Variants in FMNL3 observed in about 807,000 individuals in gnomAD.
FMNL3 encodes the protein formin-like protein 3.
FMNL3 carries 57 observed loss-of-function variants against 119.6 expected under a neutral mutation model. That is an observed-to-expected ratio of 0.48 (90% CI 0.39 to 0.59). The LOEUF is 0.59. FMNL3 is among the 20% of genes least tolerant of loss of function. The probability of loss-of-function intolerance (pLI) is 0.00; values close to 1 mark genes in which losing one functional copy is unlikely to be tolerated. For synonymous variants in FMNL3, 491 were observed against 507.3 expected (o/e 0.97, Z 0.43); for missense variants, 1,053 against 1,323.5 (o/e 0.80, Z 3.17).
At position 49,644,630 on chromosome 12, in the gene FMNL3, G is replaced by A. The variant is rs1943084799; in HGVS notation, c.*1185C>T. 5.4e-6 allele frequency: 1 copy of A among 186,122 alleles called. No individual in the cohort carries two copies. The highest frequency in any genetic ancestry group is 1.0e-4 in the South Asian group (1 of 9,572). The allele number at this position is 186,122 out of a possible 1,614,324, so 11.5% of individuals were successfully genotyped here. ...CCAGGACCTAATGTACGTGTGTTTT[G>A]TTTTTTGTTTTTTAAATAACAATAT... On this transcript the variant is annotated 3_prime_UTR_variant, in exon 26 of 26. Transcript: ENST00000335154.
chr12:49,675,686 A>G (rs1401343817), intron 1 of FMNL3, among the ~76,000 whole-genome samples: 1 of 152,164 alleles, frequency 6.6e-6, no homozygotes, highest in Non-Finnish European at 1.5e-5. Flanking sequence ...TGGCATCCCT[A>G]CTTCCAATAC....
intron 2 of FMNL3, among the ~76,000 whole-genome samples, chr12:49,667,722 A>T (rs1943930385): frequency 6.6e-6 from 1 of 152,214 alleles, no homozygotes; most frequent in Non-Finnish European, 1.5e-5. Flanking sequence ...AATGTTACCT[A>T]TTATTATTTC....
chr12:49,675,413 G>T (rs1253643921), intron 1 of FMNL3, among the ~76,000 whole-genome samples: 1 of 152,206 alleles, frequency 6.6e-6, no homozygotes, highest in East Asian at 1.9e-4. Context: ...TTGGGGCAGA[G>T]CCTCGCATTC....
Position 49,636,974 on chromosome 12 carries a change from T to A in FMNL3, c.*8841A>T, listed in dbSNP as rs1390428498. Reference sequence around the variant, plus strand: ...TCTGTGCCTAGCCCTGTCCAAGCTCTATGAGACCTCTCTCTGCCTGCAGTC... The same window carrying A: ...TCTGTGCCTAGCCCTGTCCAAGCTCAATGAGACCTCTCTCTGCCTGCAGTC... On this transcript the variant is annotated 3_prime_UTR_variant, in exon 26 of 26. Transcript: ENST00000335154. 7.2e-7 allele frequency: 1 copy of A among 1,386,874 alleles called. No homozygotes were observed. Among genetic ancestry groups the A allele is most frequent in the Non-Finnish European group, 9.9e-7 (1 of 1,014,774 alleles). The allele number at this position is 1,386,874 out of a possible 1,614,324, so 85.9% of individuals were successfully genotyped here.
rs1381528932 is a variant in FMNL3, at chr12:49,641,538, G to C, written c.*4277C>G. 3 of 258,590 alleles carry C rather than the reference G, an allele frequency of 1.2e-5. No homozygotes were observed. The highest frequency in any genetic ancestry group is 2.2e-5 in the Non-Finnish European group (3 of 133,724). The allele number at this position is 258,590 out of a possible 1,614,324, so 16.0% of individuals were successfully genotyped here. The stretch of plus-strand genomic sequence containing the variant: ...AAGCACTCAATAAATAGACCCAAAG[G>C]GTAGGGGCCAGCAAATGTTGATTGA... On this transcript the variant is annotated 3_prime_UTR_variant, in exon 26 of 26. Transcript: ENST00000335154.
intron 1 of FMNL3, among the ~76,000 whole-genome samples, chr12:49,697,825 A>ACT (rs1944792186): frequency 6.6e-6 from 1 of 152,158 alleles, no homozygotes. Context: ...TTGACTCAGA[A>ACT]AAGTTACAGG....
chr12:49,676,611 C>T (rs1276137483), intron 1 of FMNL3, among the ~76,000 whole-genome samples: 1 of 146,864 alleles, frequency 6.8e-6, no homozygotes, highest in Non-Finnish European at 1.5e-5. Context: ...CCGTCTTATC[C>T]TTCTTTGAAT....
In FMNL3 at chr12:49,670,435, A is replaced by T. The variant is rs563226190; in HGVS notation, c.127-1881T>A. Among the ~76,000 whole-genome samples, 6 of 152,302 alleles carry T rather than the reference A, an allele frequency of 3.9e-5. No individual in the cohort carries two copies. The South Asian group carries it at 1.2e-3, about 32-fold the overall frequency. ...CCAATATGCATCTAGTGGGGGCAGTAAGGTGATAATAAACTTATGTGGAAG... is the reference window on the plus strand; with the variant it reads ...CCAATATGCATCTAGTGGGGGCAGTTAGGTGATAATAAACTTATGTGGAAG... On this transcript the variant is annotated intron_variant, in intron 1 of 25. Transcript: ENST00000335154.
Position 49,651,922 on chromosome 12 carries a change from G to A in FMNL3, c.1603+11C>T, listed in dbSNP as rs544461286. 3.9e-5 allele frequency: 62 copies of A among 1,571,614 alleles called. No homozygotes were observed. The highest frequency in any genetic ancestry group is 4.7e-5 in the South Asian group (4 of 85,068). On this transcript the variant is annotated intron_variant, in intron 14 of 25. Transcript: ENST00000335154. ...CTGCCCCTGTTGGCTCCCAGGGGTCGTCGTGGTTACCTGGTAATGGGGGAG... is the reference window on the plus strand; with the variant it reads ...CTGCCCCTGTTGGCTCCCAGGGGTCATCGTGGTTACCTGGTAATGGGGGAG...
At position 49,656,366 on chromosome 12, in the gene FMNL3, C is replaced by G. The variant is rs767855542; in HGVS notation, c.885+38G>C. Reference sequence around the variant, plus strand: ...ACCTAGCTCCCTGCCTTCTCCCCCGCAAACACACACACACACACGCGAAGC... The same window carrying G: ...ACCTAGCTCCCTGCCTTCTCCCCCGGAAACACACACACACACACGCGAAGC... On this transcript the variant is annotated intron_variant, in intron 9 of 25. Coordinates refer to ENST00000335154, the MANE Select transcript of FMNL3 (RefSeq NM_175736.5). The G allele has an allele frequency of 7.1e-6, 11 of 1,557,682 alleles. No homozygotes were observed. In the Admixed American group the frequency reaches 8.6e-5, roughly 12 times the overall value.
In FMNL3 at chr12:49,651,552, A is replaced by AG. The variant is rs1943402460; in HGVS notation, c.1604-103_1604-102insC. ...CACCTTCTCTGAGAGTTAAAAAAAAAAAAAACTCTCAGAGAAGGAGCCTAC... is the reference window on the plus strand; with the variant it reads ...CACCTTCTCTGAGAGTTAAAAAAAAAGAAAAACTCTCAGAGAAGGAGCCTAC... On this transcript the variant is annotated intron_variant, in intron 14 of 25. Coordinates refer to ENST00000335154, the MANE Select transcript of FMNL3 (RefSeq NM_175736.5). 6.8e-6 allele frequency: 7 copies of AG among 1,034,402 alleles called. 1 individual carries two copies. The Admixed American group carries it at 2.5e-4, about 37-fold the overall frequency. The allele number at this position is 1,034,402 out of a possible 1,614,324, so 64.1% of individuals were successfully genotyped here.
At chr12:49,685,710 T>C (rs1300045467) in intron 1 of FMNL3, among the ~76,000 whole-genome samples, 1 of 152,248 alleles carries the variant, frequency 6.6e-6, no homozygotes, top group Non-Finnish European at 1.5e-5. Flanking sequence ...ATTTCTTAAA[T>C]ATTTTTGTTA....
Position 49,643,158 on chromosome 12 carries a change from C to T in FMNL3, c.*2657G>A, listed in dbSNP as rs1032528815. 10 of 1,598,428 alleles carry T rather than the reference C, an allele frequency of 6.3e-6. No homozygotes were observed. Among genetic ancestry groups the T allele is most frequent in the Admixed American group, 1.7e-5 (1 of 59,150 alleles). On this transcript the variant is annotated 3_prime_UTR_variant, in exon 26 of 26. Coordinates refer to ENST00000335154, the MANE Select transcript of FMNL3 (RefSeq NM_175736.5). ...CTGGGTCCTCCTCCTCTCTCGAATT[C>T]CCAGACGAGGGCTTCTGGAGGGCAG...
At position 49,653,953 on chromosome 12, in the gene FMNL3, C is replaced by T. The variant is rs376725216; in HGVS notation, c.1072-79G>A. On this transcript the variant is annotated intron_variant, in intron 11 of 25. Transcript: ENST00000335154. ...GGAACTTTCTGAGAAAGTCTTAGTCCTCATCCCCCTTCGCCACCACTTCCC... is the reference window on the plus strand; with the variant it reads ...GGAACTTTCTGAGAAAGTCTTAGTCTTCATCCCCCTTCGCCACCACTTCCC... 1.1e-4 allele frequency: 170 copies of T among 1,536,166 alleles called. 1 individual carries two copies. In the East Asian group the frequency reaches 1.5e-3, roughly 13 times the overall value.
chr12:49,642,469 C>A lies in FMNL3; in HGVS notation c.*3346G>T. The A allele has an allele frequency of 6.4e-7, 1 of 1,573,412 alleles. No individual in the cohort carries two copies. The highest frequency in any genetic ancestry group is 2.3e-5 in the East Asian group (1 of 44,440). On this transcript the variant is annotated 3_prime_UTR_variant, in exon 26 of 26. Coordinates refer to ENST00000335154, the MANE Select transcript of FMNL3 (RefSeq NM_175736.5). This position sits in a 1 kb window ranked among gnomAD's most constrained non-coding sequence, Gnocchi z 5.8. ...CCCCAGTCACGTCACAGCCCTGGGC[C>A]AGCTCCAGTTCCCTTCCTTTCTCTG...
In FMNL3 at chr12:49,637,435, C is replaced by T. The variant is rs1941984138; in HGVS notation, c.*8380G>A. On this transcript the variant is annotated 3_prime_UTR_variant, in exon 26 of 26. Transcript: ENST00000335154. ...TCAGTCTGTGGCTCTGCCTCCCTGT[C>T]TCACTCTCCCTATAACTGGCCTCTC... The T allele has an allele frequency of 4.7e-6, 7 of 1,483,886 alleles. No individual in the cohort carries two copies. Among genetic ancestry groups the T allele is most frequent in the Non-Finnish European group, 6.6e-6 (7 of 1,065,570 alleles). 91.9% of individuals were successfully genotyped at this position (1,483,886 alleles called of 1,614,324 possible). A position where few individuals can be genotyped will look rare whatever the true frequency, so the allele number is the denominator to read the frequency against.
intron 1 of FMNL3, among the ~76,000 whole-genome samples, chr12:49,673,223 A>C (rs768889687): frequency 4.6e-4 from 70 of 152,316 alleles, no homozygotes; most frequent in Admixed American, 5.9e-4. Flanking sequence ...TGGGCACCAC[A>C]CACTTCTCAA....
rs901324101 is a variant in FMNL3, at chr12:49,647,246, C to T, written c.2871+30G>A. On this transcript the variant is annotated intron_variant, in intron 24 of 25. Coordinates refer to ENST00000335154, the MANE Select transcript of FMNL3 (RefSeq NM_175736.5). This position sits in a 1 kb window ranked among gnomAD's most constrained non-coding sequence, Gnocchi z 4.9. ...GCCCCCACTCTTTTGCCTTGTCGTC[C>T]TCCAGGCCCCAGCTCTTGGTCCCAC... 14 of 1,612,484 alleles carry T rather than the reference C, an allele frequency of 8.7e-6. No individual in the cohort carries two copies. The South Asian group carries it at 1.2e-4, about 14-fold the overall frequency.
At chr12:49,707,006 G>C (rs1214941131) in intron 1 of FMNL3, 49 bp downstream of exon 1, 4 of 1,545,816 alleles carry the variant, frequency 2.6e-6, no homozygotes, top group East Asian at 4.9e-5. Flanking sequence ...CCCGGGCGTC[G>C]GGACCTGAGG....
Sources: allele counts gnomAD v4.1 joint callset (sites outside exome capture counted in the v4.1 genomes callset), GRCh38; gene constraint gnomAD v4.1.1; non-coding constraint Gnocchi (gnomAD v3.1); transcripts MANE v1.5; gene names NCBI Gene and HGNC (gene_info 2026-07-23, HGNC 2026-07-21).